Variants in PCNA observed in about 807,000 individuals in gnomAD.
The protein encoded by PCNA is DNA sliding clamp PCNA.
In PCNA, 4 loss-of-function variants were observed where a neutral mutation model predicts 27.8. The ratio of observed to expected loss-of-function variants is 0.14; its 90% confidence interval spans 0.07 to 0.33. The LOEUF is 0.33. Ranked by LOEUF, PCNA falls within the 10% of genes least tolerant of loss-of-function variation. The pLI is 1.00. For missense variants in PCNA, 165 were observed against 327.4 expected (o/e 0.50, Z 3.83); for synonymous variants, 121 against 119.4 (o/e 1.01, Z -0.09).
intron 4 of PCNA, among the ~76,000 whole-genome samples, chr20:5,116,689 G>C (rs1248190747): frequency 1.3e-5 from 2 of 152,092 alleles, no homozygotes; most frequent in Non-Finnish European, 1.5e-5. Context: ...ATCTTGCTCT[G>C]TCACCCAGGC....
In PCNA at chr20:5,119,897, G is replaced by C; in HGVS notation, c.-99C>G. ...GCCTCAGAGCGAGCGGGCGAACGTC[G>C]CGACGACCGGCTGAGACCTAGAAAG... is the stretch of plus-strand genomic sequence containing the variant. On this transcript the variant is annotated 5_prime_UTR_variant, in exon 1 of 6. Transcript: ENST00000379143. 1.1e-6 allele frequency: 1 copy of C among 882,794 alleles called. No individual in the cohort carries two copies. The highest frequency in any genetic ancestry group is 1.5e-5 in the South Asian group (1 of 66,274). The allele number at this position is 882,794 out of a possible 1,614,324, so 54.7% of individuals were successfully genotyped here. A position where few individuals can be genotyped will look rare whatever the true frequency, so the allele number is the denominator to read the frequency against.
chr20:5,121,370 G>T (rs2090516469), upstream of PCNA: 1 of 146,502 alleles, frequency 6.8e-6, no homozygotes. Flanking sequence ...CTTTATCTCT[G>T]GAATGCCTTT....
At chr20:5,118,301 G>A (rs962058350) in intron 3 of PCNA, among the ~76,000 whole-genome samples, 1 of 152,192 alleles carries the variant, frequency 6.6e-6, no homozygotes, top group East Asian at 1.9e-4. Flanking sequence ...TCTTGACGGA[G>A]GAGGATCACT....
At chr20:5,123,745 A>G (rs970504023), upstream of PCNA, among the ~76,000 whole-genome samples, 3 of 152,176 alleles carry the variant, frequency 2.0e-5, no homozygotes, top group African/African-American at 7.2e-5. Context: ...AATTCTAGAT[A>G]AAGAATTCAA....
intron 1 of PCNA, among the ~76,000 whole-genome samples, chr20:5,125,994 A>C (rs1294586729): frequency 6.6e-6 from 1 of 152,166 alleles, no homozygotes; most frequent in Non-Finnish European, 1.5e-5. Flanking sequence ...AGCACTTTGG[A>C]AGGCGGAGGC....
intron 1 of PCNA, 49 bp from the exon 2 acceptor site, chr20:5,118,915 G>A (rs778535236): frequency 7.5e-7 from 1 of 1,338,802 alleles, no homozygotes; most frequent in Non-Finnish European, 1.1e-6. Flanking sequence ...TCTGCTGAAG[G>A]GCTGTATTTC....
At chr20:5,124,803 TGAGTG>T (rs1458358490), upstream of PCNA, among the ~76,000 whole-genome samples, 13 of 152,000 alleles carry the variant, frequency 8.6e-5, no homozygotes, top group African/African-American at 3.1e-4. Context: ...CTGAGAGGGC[TGAGTG>T]TAATGGATGA....
upstream of PCNA, chr20:5,121,386 C>CTTTTTTTTTTTTTTTTTT (rs10712798): frequency 1.0e-5 from 1 of 97,182 alleles, no homozygotes; most frequent in Non-Finnish European, 2.0e-5. Context: ...CCTTTCTTTC[C>CTTTTTTTTTTTTTTTTTT]TTTTTTTTTT....
At chr20:5,122,972 G>A (rs1376635465), upstream of PCNA, among the ~76,000 whole-genome samples, 1 of 152,200 alleles carries the variant, frequency 6.6e-6, no homozygotes, top group Non-Finnish European at 1.5e-5. Context: ...AAACTGAAAT[G>A]AGGACATAAA....
At chr20:5,117,101 T>C (rs967618224) in intron 4 of PCNA, among the ~76,000 whole-genome samples, 2 of 152,206 alleles carry the variant, frequency 1.3e-5, no homozygotes, top group Non-Finnish European at 2.9e-5. Context: ...AGGTAGACTT[T>C]TACTCCTAAC....
At chr20:5,123,414 G>A (rs2090527978), upstream of PCNA, among the ~76,000 whole-genome samples, 1 of 152,112 alleles carries the variant, frequency 6.6e-6, no homozygotes, top group Admixed American at 6.5e-5. Context: ...GACTTTTCTG[G>A]ATGGGCGCAG....
chr20:5,124,905 C>G (rs2122921258), upstream of PCNA, among the ~76,000 whole-genome samples: 1 of 152,310 alleles, frequency 6.6e-6, no homozygotes, highest in East Asian at 1.9e-4. Context: ...ATTCTCCAAG[C>G]CTCCTTTTAT....
At chr20:5,120,857 A>G (rs1214849916), upstream of PCNA, among the ~76,000 whole-genome samples, 1 of 152,006 alleles carries the variant, frequency 6.6e-6, no homozygotes, top group East Asian at 1.9e-4. Flanking sequence ...TCCAGGCTGG[A>G]GTACAGTGGC....
chr20:5,120,507 T>G (rs2090512030), upstream of PCNA, among the ~76,000 whole-genome samples: 2 of 152,174 alleles, frequency 1.3e-5, no homozygotes, highest in Admixed American at 1.3e-4. Flanking sequence ...AATCGTTCAT[T>G]GTATAAAGCT....
chr20:5,123,273 T>A (rs1034156162), upstream of PCNA, among the ~76,000 whole-genome samples: 4 of 152,218 alleles, frequency 2.6e-5, no homozygotes, highest in African/African-American at 9.6e-5. Flanking sequence ...AGATCTTTGA[T>A]GTGATCCAAT....
upstream of PCNA, among the ~76,000 whole-genome samples, chr20:5,124,245 T>G (rs1356644124): frequency 6.6e-6 from 1 of 152,222 alleles, no homozygotes; most frequent in African/African-American, 2.4e-5. Flanking sequence ...ATCAAAAGCC[T>G]TAGAATTTTA....
chr20:5,121,966 TTTTTTTC>T (rs1199481321), upstream of PCNA, among the ~76,000 whole-genome samples: 4 of 150,650 alleles, frequency 2.7e-5, no homozygotes, highest in African/African-American at 4.9e-5. Context: ...AATTTCTTTT[TTTTTTTC>T]TTTTTCTTTT....
chr20:5,116,944 C>A (rs1467997473), intron 4 of PCNA, among the ~76,000 whole-genome samples: 1 of 152,190 alleles, frequency 6.6e-6, no homozygotes, highest in African/African-American at 2.4e-5. Flanking sequence ...AAGTCTCCTT[C>A]CTGTTTAACC....
chr20:5,118,901 G>A (rs1451668374), intron 1 of PCNA, 35 bp from the exon 2 acceptor site: 8 of 1,441,132 alleles, frequency 5.6e-6, no homozygotes, highest in Admixed American at 1.7e-5. Flanking sequence ...TAAAATCAAC[G>A]CCGTCTGCTG....
Sources: gnomAD v4.1 joint callset for allele counts (sites outside exome capture counted in the v4.1 genomes callset) on GRCh38, gnomAD v4.1.1 for gene constraint, MANE v1.5 for transcripts, NCBI Gene and HGNC (gene_info 2026-07-23, HGNC 2026-07-21) for gene names.